Variants in RNF32 observed in about 807,000 individuals in gnomAD.
The protein encoded by RNF32 is ring finger protein 32.
In RNF32, 36 loss-of-function variants were observed where a neutral mutation model predicts 41.0. The ratio of observed to expected loss-of-function variants is 0.88; its 90% confidence interval spans 0.67 to 1.16. The LOEUF is 1.16. RNF32 is among the 50% of genes most tolerant of loss of function. The probability of loss-of-function intolerance (pLI) is 0.00; values close to 1 mark genes in which losing one functional copy is unlikely to be tolerated. For synonymous variants in RNF32, 154 were observed against 160.9 expected (o/e 0.96, Z 0.32); for missense variants, 413 against 436.7 (o/e 0.95, Z 0.48).
At chr7:156,648,313 A>C (rs1405241929) in intron 3 of RNF32, among the ~76,000 whole-genome samples, 1 of 152,068 alleles carries the variant, frequency 6.6e-6, no homozygotes, top group Non-Finnish European at 1.5e-5. Context: ...GCCAGGGGAG[A>C]TATTTGATGC....
chr7:156,657,350 ATT>A, intron 4 of RNF32, 189 bp from the exon 5 acceptor site: 1 of 586,070 alleles, frequency 1.7e-6, no homozygotes, highest in Non-Finnish European at 3.0e-6. Context: ...CAGATCATGA[ATT>A]TTTGTTATTT....
chr7:156,654,102 T>G (rs1799208444), intron 3 of RNF32: 1 of 152,176 alleles, frequency 6.6e-6, no homozygotes, highest in African/African-American at 2.4e-5. Flanking sequence ...ACCACTGACT[T>G]TTGCGCCCTC....
chr7:156,653,540 T>C (rs144338333), intron 3 of RNF32, among the ~76,000 whole-genome samples: 4 of 152,358 alleles, frequency 2.6e-5, no homozygotes, highest in Non-Finnish European at 4.4e-5. Context: ...CTTCATAGTT[T>C]TCTGTCATGT....
At chr7:156,657,324 TG>T in intron 4 of RNF32, 1 of 567,018 alleles carries the variant, frequency 1.8e-6, no homozygotes. Context: ...AAACTTCATG[TG>T]TTTATTTGAT....
chr7:156,659,086 A>G, intron 7 of RNF32: 1 of 1,358,466 alleles, frequency 7.4e-7, no homozygotes, highest in Non-Finnish European at 9.4e-7. Flanking sequence ...CTTTAGTTTT[A>G]CTTTTGGGGG....
rs932568585 is a variant in RNF32, at chr7:156,669,703, A to T, written c.685-5993A>T. On this transcript the variant is annotated intron_variant, in intron 7 of 8. Transcript: ENST00000317955. The surrounding 1 kb of genome is among the most constrained non-coding windows in gnomAD (Gnocchi z 4.2). ...TCAGCAGCTGGGACCCAGACCAAAG[A>T]GGGTGAAGAGGGCAGGGCTGGGACT... Among the ~76,000 whole-genome samples the T allele has an allele frequency of 1.6e-4, 25 of 152,164 alleles. No individual in the cohort carries two copies. Among genetic ancestry groups the T allele is most frequent in the African/African-American group, 6.0e-4 (25 of 41,438 alleles).
At position 156,658,971 on chromosome 7, in the gene RNF32, TAAAGCCCCCAC is replaced by T. The variant is rs1800174215; in HGVS notation, c.684+403_684+413del. On this transcript the variant is annotated intron_variant, in intron 7 of 8. Transcript: ENST00000317955. The stretch of plus-strand genomic sequence containing the variant: ...TGAAAATAGAAGCTGCCTATAAAAA[TAAAGCCCCCAC>T]ATGCTACCATTGTATTGAGTACCTC... 4 of 1,513,966 alleles carry T rather than the reference TAAAGCCCCCAC, an allele frequency of 2.6e-6. No homozygotes were observed. The East Asian group carries it at 9.8e-5, about 37-fold the overall frequency. 93.8% of individuals were successfully genotyped at this position (1,513,966 alleles called of 1,614,324 possible).
chr7:156,671,845 T>C (rs565155188), intron 7 of RNF32, among the ~76,000 whole-genome samples: 1 of 152,134 alleles, frequency 6.6e-6, no homozygotes, highest in South Asian at 2.1e-4. Context: ...AATAAATTTT[T>C]TTTAAAAAAA....
In RNF32 at chr7:156,664,841, A is replaced by C. The variant is rs990745412; in HGVS notation, c.684+6271A>C. Among the ~76,000 whole-genome samples the C allele has an allele frequency of 2.0e-5, 3 of 152,232 alleles. 1 individual carries two copies. The highest frequency in any genetic ancestry group is 2.0e-4 in the Admixed American group (3 of 15,286). On this transcript the variant is annotated intron_variant, in intron 7 of 8. Transcript: ENST00000317955. ...GTTTAATCTGGGCATAACATGTGAA[A>C]ATGTCATTTTTCCAATGATAGAAAC...
intron 3 of RNF32, among the ~76,000 whole-genome samples, chr7:156,645,306 G>A (rs1797840043): frequency 6.6e-6 from 1 of 152,198 alleles, no homozygotes; most frequent in Admixed American, 6.5e-5. Flanking sequence ...AGTAATCCTA[G>A]TTAGGTCAGC....
chr7:156,651,968 T>C (rs1347376186), intron 3 of RNF32, among the ~76,000 whole-genome samples: 1 of 152,166 alleles, frequency 6.6e-6, no homozygotes. Context: ...GGCTCTCTCC[T>C]TGGATTCTGT....
intron 1 of RNF32, among the ~76,000 whole-genome samples, chr7:156,642,708 A>C (rs889725586): frequency 2.6e-5 from 4 of 152,212 alleles, no homozygotes; most frequent in Non-Finnish European, 5.9e-5. Context: ...ATCCCATGGC[A>C]GGGCACACTC....
At chr7:156,674,738 GATA>G (rs2131732054) in intron 7 of RNF32, among the ~76,000 whole-genome samples, 1 of 152,274 alleles carries the variant, frequency 6.6e-6, no homozygotes, top group African/African-American at 2.4e-5. Flanking sequence ...ACGTTGAAGT[GATA>G]ATATTTTGGA....
chr7:156,675,109 T>G (rs745346334), intron 7 of RNF32, among the ~76,000 whole-genome samples: 12 of 152,086 alleles, frequency 7.9e-5, no homozygotes, highest in East Asian at 1.9e-4. Flanking sequence ...CCGGAAGAGA[T>G]AGTGCAGACC....
intron 7 of RNF32, chr7:156,659,290 T>C: frequency 1.8e-5 from 18 of 1,005,932 alleles, no homozygotes; most frequent in Non-Finnish European, 2.1e-5. Flanking sequence ...CTGGAAATTC[T>C]GTATTTATTA....
At chr7:156,640,468 G>A, upstream of RNF32, 1 of 365,048 alleles carries the variant, frequency 2.7e-6, no homozygotes, top group Non-Finnish European at 5.3e-6. Context: ...TTCAGCCCGC[G>A]GCTCCCGAAC....
At chr7:156,671,394 A>C (rs1802475912) in intron 7 of RNF32, among the ~76,000 whole-genome samples, 2 of 152,202 alleles carry the variant, frequency 1.3e-5, no homozygotes, top group Non-Finnish European at 2.9e-5. Flanking sequence ...TTACAGAAGA[A>C]GGCTGATGTG....
intron 3 of RNF32, 59 bp downstream of exon 3, chr7:156,644,816 T>TTAATAGTA (rs1332977192): frequency 6.7e-7 from 1 of 1,499,226 alleles, no homozygotes; most frequent in African/African-American, 1.4e-5. Flanking sequence ...TCTATTGAGA[T>TTAATAGTA]TAATAGTATA....
chr7:156,640,528 G>C (rs1038847579), upstream of RNF32: 5 of 366,876 alleles, frequency 1.4e-5, no homozygotes, highest in South Asian at 6.0e-5. Flanking sequence ...GCCTCGACGG[G>C]AACGCACCTG....
Sources: allele counts gnomAD v4.1 joint callset (sites outside exome capture counted in the v4.1 genomes callset), GRCh38; gene constraint gnomAD v4.1.1; non-coding constraint Gnocchi (gnomAD v3.1); transcripts MANE v1.5; gene names NCBI Gene and HGNC (gene_info 2026-07-23, HGNC 2026-07-21).